The following SCN3A variants were observed in gnomAD, a reference collection of about 807,000 sequenced individuals.
SCN3A encodes the protein sodium channel protein type 3 subunit alpha.
Under a neutral mutation model 187.6 loss-of-function variants are expected in SCN3A, and 60 were observed. That is an observed-to-expected ratio of 0.32 (90% CI 0.26 to 0.40). The LOEUF (loss-of-function observed/expected upper bound fraction) is 0.40, where lower values mean the gene tolerates loss of function less well. SCN3A is among the 10% of genes least tolerant of loss of function. The pLI, the probability that SCN3A is intolerant of heterozygous loss-of-function variation, is 1.00. For synonymous variants in SCN3A, 788 were observed against 829.2 expected (o/e 0.95, Z 0.85); for missense variants, 1,601 against 2,428.2 (o/e 0.66, Z 7.16).
At chr2:165,157,185 C>G (rs1049782688) in intron 9 of SCN3A, among the ~76,000 whole-genome samples, 1 of 152,190 alleles carries the variant, frequency 6.6e-6, no homozygotes, top group Admixed American at 6.5e-5. Context: ...GCTGGGATTA[C>G]AGGCGAGAGC....
chr2:165,194,666 A>G (rs1403668348), intron 1 of SCN3A, among the ~76,000 whole-genome samples: 1 of 152,094 alleles, frequency 6.6e-6, no homozygotes, highest in African/African-American at 2.4e-5. Flanking sequence ...TGTACACATG[A>G]CATCTTCATG....
At chr2:165,141,217 T>C (rs998303323) in intron 12 of SCN3A, among the ~76,000 whole-genome samples, 1 of 152,234 alleles carries the variant, frequency 6.6e-6, no homozygotes, top group African/African-American at 2.4e-5. Flanking sequence ...AATACTGATT[T>C]GCAATTTACT....
intron 18 of SCN3A, among the ~76,000 whole-genome samples, chr2:165,119,221 G>A (rs1686526482): frequency 6.6e-6 from 1 of 152,116 alleles, no homozygotes; most frequent in African/African-American, 2.4e-5. Flanking sequence ...AATCTTCTTA[G>A]TCAGAAATGC....
intron 21 of SCN3A, among the ~76,000 whole-genome samples, chr2:165,107,672 A>G (rs1411004462): frequency 6.6e-6 from 1 of 152,198 alleles, no homozygotes; most frequent in African/African-American, 2.4e-5. Flanking sequence ...GTTCAGCACA[A>G]TATGCCAAAT....
At chr2:165,091,840 G>A (rs1264975494) in intron 27 of SCN3A, 2 of 295,058 alleles carry the variant, frequency 6.8e-6, no homozygotes, top group African/African-American at 4.4e-5. Flanking sequence ...ACCCACCTAG[G>A]ATGCATCACC....
At chr2:165,111,351 T>C (rs1025954708) in intron 21 of SCN3A, among the ~76,000 whole-genome samples, 3 of 151,962 alleles carry the variant, frequency 2.0e-5, no homozygotes, top group Admixed American at 1.3e-4. Context: ...TAAAAAAAGA[T>C]CATAATCTTC....
intron 5 of SCN3A, among the ~76,000 whole-genome samples, chr2:165,166,415 A>G (rs1175660945): frequency 2.0e-5 from 3 of 152,186 alleles, no homozygotes; most frequent in Non-Finnish European, 4.4e-5. Context: ...AATTCTGTCT[A>G]TGTTCCTGTA....
intron 18 of SCN3A, among the ~76,000 whole-genome samples, chr2:165,121,012 AG>A (rs1686648007): frequency 1.3e-5 from 2 of 152,084 alleles, no homozygotes; most frequent in Non-Finnish European, 2.9e-5. Context: ...AAAAAGAAAA[AG>A]GCCATTTGTT....
chr2:165,176,940 G>A (rs1690507655), intron 2 of SCN3A, among the ~76,000 whole-genome samples: 1 of 152,016 alleles, frequency 6.6e-6, no homozygotes, highest in Admixed American at 6.6e-5. Flanking sequence ...TACAATTATT[G>A]TAATACATCC....
chr2:165,100,619 C>A (rs1310025637), intron 21 of SCN3A, among the ~76,000 whole-genome samples, 195 bp from the exon 22 acceptor site: 1 of 151,956 alleles, frequency 6.6e-6, no homozygotes, highest in South Asian at 2.1e-4. Context: ...ACCAATGAAA[C>A]CAGAATACTT....
chr2:165,116,764 G>A (rs1215688494), intron 18 of SCN3A, among the ~76,000 whole-genome samples: 1 of 151,928 alleles, frequency 6.6e-6, no homozygotes, highest in Non-Finnish European at 1.5e-5. Context: ...TACTTTCTGT[G>A]GTGTTACTTT....
At chr2:165,191,226 C>CA (rs145096797) in intron 1 of SCN3A, among the ~76,000 whole-genome samples, 210 of 152,092 alleles carry the variant, frequency 1.4e-3, no homozygotes, top group African/African-American at 5.0e-3. Context: ...AAATGATTTA[C>CA]AGCAGTATTA....
At chr2:165,190,249 C>T (rs1691503622) in intron 1 of SCN3A, among the ~76,000 whole-genome samples, 1 of 152,108 alleles carries the variant, frequency 6.6e-6, no homozygotes, top group Admixed American at 6.6e-5. Flanking sequence ...TTGGGGAGCT[C>T]CAGAGATTCT....
chr2:165,154,400 ACTT>A, intron 11 of SCN3A, 49 bp downstream of exon 11: 1 of 1,581,614 alleles, frequency 6.3e-7, no homozygotes, highest in South Asian at 1.1e-5. Context: ...CACTATTTCT[ACTT>A]AGAAACTAAT....
intron 21 of SCN3A, among the ~76,000 whole-genome samples, chr2:165,104,459 C>T (rs770138362): frequency 3.3e-5 from 5 of 151,574 alleles, no homozygotes; most frequent in Non-Finnish European, 7.4e-5. Flanking sequence ...TCACACCTTA[C>T]ACCAAATTAA....
intron 21 of SCN3A, among the ~76,000 whole-genome samples, chr2:165,102,061 C>A (rs1247730300): frequency 6.6e-6 from 1 of 152,172 alleles, no homozygotes; most frequent in Non-Finnish European, 1.5e-5. Context: ...GCTCCTTTTC[C>A]TCAGGAGGAA....
chr2:165,154,662 G>A lies in SCN3A; in HGVS notation c.1174-4C>T, dbSNP rs2105862000. ...TTTTCCCAGCAGCACGTAATGTCTAGGGGAAATGGGGGATAATTCCATCAG... is the reference window on the plus strand; with the variant it reads ...TTTTCCCAGCAGCACGTAATGTCTAAGGGAAATGGGGGATAATTCCATCAG... On this transcript the variant is annotated splice_polypyrimidine_tract_variant and splice_region_variant and intron_variant, in intron 10 of 27. Transcript: ENST00000283254. 1 of 1,608,260 alleles carries A rather than the reference G, an allele frequency of 6.2e-7. No individual in the cohort carries two copies. The highest frequency in any genetic ancestry group is 8.5e-7 in the Non-Finnish European group (1 of 1,174,724).
intron 4 of SCN3A, among the ~76,000 whole-genome samples, chr2:165,169,587 T>C (rs74650278): frequency 0.071 from 10,783 of 151,916 alleles, 494 homozygotes; most frequent in Non-Finnish European, 0.1. Flanking sequence ...TATTTTATTT[T>C]AGAATATAAA....
In SCN3A at chr2:165,186,286, C is replaced by CA. The variant is rs1281966143; in HGVS notation, c.-51+264dup. 2.9e-3 allele frequency among the ~76,000 whole-genome samples: 439 copies of CA among 149,078 alleles called. 2 individuals are homozygous for CA. The highest frequency in any genetic ancestry group is 0.01 in the African/African-American group (413 of 40,764). On this transcript the variant is annotated intron_variant, in intron 2 of 27. Transcript: ENST00000283254. The stretch of plus-strand genomic sequence containing the variant: ...CTCTGTCTCAAAACAACAACAACAA[C>CA]AACAAAAAAACAAAAACAAAAAAAA...
Sources: gnomAD v4.1 joint callset for allele counts (sites outside exome capture counted in the v4.1 genomes callset) on GRCh38, gnomAD v4.1.1 for gene constraint, MANE v1.5 for transcripts, NCBI Gene and HGNC (gene_info 2026-07-23, HGNC 2026-07-21) for gene names.